Variants in TP53BP2 observed in about 807,000 individuals in gnomAD.
TP53BP2 encodes the protein apoptosis-stimulating of p53 protein 2.
Under a neutral mutation model 126.2 loss-of-function variants are expected in TP53BP2, and 62 were observed. The observed-to-expected ratio is 0.49, with a 90% CI of 0.40 to 0.61. The LOEUF is 0.61. Among genes scored for constraint, TP53BP2 ranks in the 20% least tolerant of loss-of-function variants. TP53BP2 has a pLI of 0.00. For missense variants in TP53BP2, 1,215 were observed against 1,402.8 expected (o/e 0.87, Z 2.14); for synonymous variants, 485 against 502.9 (o/e 0.96, Z 0.48).
intron 1 of TP53BP2, chr1:223,826,094 G>A (rs1331670790): frequency 6.6e-6 from 1 of 152,308 alleles, no homozygotes; most frequent in African/African-American, 2.4e-5. Flanking sequence ...GCTAAGGTCT[G>A]GGAGAAGAAT....
Position 223,802,273 on chromosome 1 carries a change from A to T in TP53BP2, c.1068T>A (p.Tyr356Ter). 1 of 1,614,226 alleles carries T rather than the reference A, an allele frequency of 6.2e-7. No homozygotes were observed. Among genetic ancestry groups the T allele is most frequent in the Non-Finnish European group, 8.5e-7 (1 of 1,180,028 alleles). ...TCCGAGGCATAGTAGACGACTGGAT[A>T]TAGGGACCTACTGCAGCCACACGGC... Reference protein sequence around the residue: ...APSRVAAVGPYIQSSTMPRMP... With the variant: ...APSRVAAVGP Residue 356 changes from tyrosine to a stop codon, truncating the protein, a stop_gained, in exon 9 of 18, where the codon TAT (tyrosine) becomes TAA (stop). Transcript: ENST00000343537. LOFTEE classifies it high-confidence loss of function.
In TP53BP2 at chr1:223,792,510, T is replaced by A. The variant is rs763150714; in HGVS notation, c.2875A>T (p.Ser959Cys). The change falls in exon 15 of 18, where the codon AGC (serine) becomes TGC (cysteine). Residue 959 changes from serine to cysteine, a missense_variant. Ser to Cys is a moderately radical substitution (Grantham distance 112, BLOSUM62 -1). Transcript: ENST00000343537. ...QRIIYEVDDP[S>C]LPNDEGITAL... ...GTGATGCCTTCATCATTGGGGAGGC[T>A]TGGGTCATCAACCTATATCAAGAAG... 6.2e-7 allele frequency: 1 copy of A among 1,614,014 alleles called. No homozygotes were observed. Among genetic ancestry groups the A allele is most frequent in the Non-Finnish European group, 8.5e-7 (1 of 1,179,918 alleles).
At chr1:223,840,301 T>C (rs1483319072) in intron 1 of TP53BP2, among the ~76,000 whole-genome samples, 1 of 152,226 alleles carries the variant, frequency 6.6e-6, no homozygotes, top group African/African-American at 2.4e-5. Flanking sequence ...TAACTATACA[T>C]TTCATACATA....
chr1:223,844,595 T>A lies in TP53BP2; in HGVS notation c.27+1059A>T, dbSNP rs1265577397. Among the ~76,000 whole-genome samples, 3 of 152,320 alleles carry A rather than the reference T, an allele frequency of 2.0e-5. No individual in the cohort carries two copies. In the East Asian group the frequency reaches 5.8e-4, roughly 29 times the overall value. Reference sequence around the variant, plus strand: ...TATTAATACTTTCAAATTCCTTGAATCCTGGCAGGACAAAATATCCCAAAC... The same window carrying A: ...TATTAATACTTTCAAATTCCTTGAAACCTGGCAGGACAAAATATCCCAAAC... On this transcript the variant is annotated intron_variant, in intron 1 of 17. Coordinates refer to ENST00000343537, the MANE Select transcript of TP53BP2 (RefSeq NM_001031685.3).
At chr1:223,810,557 C>G in intron 3 of TP53BP2, 44 bp from the exon 4 acceptor site, 1 of 1,327,060 alleles carries the variant, frequency 7.5e-7, no homozygotes, top group Non-Finnish European at 1.0e-6. Flanking sequence ...CTAGAGTTGA[C>G]AGATATTTTA....
rs144796003 is a variant in TP53BP2, at chr1:223,796,246, T to A, written c.2293A>T (p.Ile765Leu). 2.5e-6 allele frequency: 4 copies of A among 1,614,024 alleles called. No homozygotes were observed. The African/African-American group carries it at 5.3e-5, about 22-fold the overall frequency. The change falls in exon 13 of 18, where the codon ATA (isoleucine) becomes TTA (leucine). Residue 765 changes from isoleucine to leucine, a missense_variant. This residue lies in a region of TP53BP2 where 46 missense variants were observed against 93.0 expected (regional missense o/e 0.49). Transcript: ENST00000343537. The surrounding 1 kb of genome is among the most constrained non-coding windows in gnomAD (Gnocchi z 4.2). ...ACAGAGATGGTCTCCATGGCCGCTA[T>A]GGTGGTCCTCTGATATAAAAGCTTC... ...IQKLLYQRTT[I>L]AAMETISVPS...
chr1:223,794,528 A>G (rs1662255245), intron 13 of TP53BP2, among the ~76,000 whole-genome samples: 1 of 152,258 alleles, frequency 6.6e-6, no homozygotes, highest in Non-Finnish European at 1.5e-5. Flanking sequence ...GGAAGAGAAC[A>G]GCAGAATCTT....
At chr1:223,817,871 A>G (rs144358677) in intron 2 of TP53BP2, among the ~76,000 whole-genome samples, 1 of 151,128 alleles carries the variant, frequency 6.6e-6, no homozygotes, top group African/African-American at 2.4e-5. Context: ...GATGGCAGTG[A>G]GCCGAGATGG....
intron 1 of TP53BP2, among the ~76,000 whole-genome samples, chr1:223,825,193 T>A (rs575524184): frequency 2.6e-5 from 4 of 152,318 alleles, no homozygotes; most frequent in African/African-American, 9.6e-5. Flanking sequence ...TTTGTCTTTG[T>A]TCAGTGTTGT....
intron 3 of TP53BP2, among the ~76,000 whole-genome samples, chr1:223,812,625 T>C (rs1662950250): frequency 6.6e-6 from 1 of 152,140 alleles, no homozygotes; most frequent in African/African-American, 2.4e-5. Context: ...CGTGGTGCCA[T>C]CTCGGCTCAC....
At chr1:223,794,255 G>A (rs1299651832) in intron 13 of TP53BP2, among the ~76,000 whole-genome samples, 3 of 152,098 alleles carry the variant, frequency 2.0e-5, no homozygotes, top group Non-Finnish European at 4.4e-5. Flanking sequence ...CTGTTGTGAG[G>A]TGTGATATAT....
chr1:223,836,549 A>G (rs146329122), intron 1 of TP53BP2, among the ~76,000 whole-genome samples: 14 of 152,306 alleles, frequency 9.2e-5, no homozygotes, highest in African/African-American at 3.4e-4. Flanking sequence ...CTATCTCACT[A>G]AAGAGTTTAT....
intron 1 of TP53BP2, among the ~76,000 whole-genome samples, chr1:223,828,481 T>G (rs983992183): frequency 6.6e-6 from 1 of 152,206 alleles, no homozygotes; most frequent in Non-Finnish European, 1.5e-5. Flanking sequence ...TTCATATACA[T>G]TGTGCCTTCC....
In TP53BP2 at chr1:223,784,186, C is replaced by T. The variant is rs1483671107; in HGVS notation, c.3292G>A (p.Glu1098Lys). The change falls in exon 17 of 18, where the codon GAA (glutamate) becomes AAA (lysine). Residue 1098 changes from glutamate (E) to lysine (K), a missense_variant. Physicochemically the swap from Glu to Lys is moderately conservative, Grantham distance 56. Around this residue, in one of 4 missense-constraint regions of TP53BP2, gnomAD observed 151 missense variants for 231.2 expected, o/e 0.65. Transcript: ENST00000343537. ...DCMTIIHRED[E>K]DEIEWWWARL... is the part of the protein sequence containing the mutation. The stretch of plus-strand genomic sequence containing the variant: ...GCCCACCACCATTCGATTTCATCTT[C>T]GTCTTCCCTGTGGATGATTGTCATG... 10 of 1,614,008 alleles carry T rather than the reference C, an allele frequency of 6.2e-6. No homozygotes were observed. Among genetic ancestry groups the T allele is most frequent in the South Asian group, 3.3e-5 (3 of 91,074 alleles).
chr1:223,784,068 C>G, intron 17 of TP53BP2, 47 bp downstream of exon 17: 1 of 1,562,040 alleles, frequency 6.4e-7, no homozygotes. Flanking sequence ...TTTACAAAGC[C>G]CCTCTCTGGC....
rs1488727793 is a variant in TP53BP2 at position 223,803,252 on chromosome 1, G to A, written c.831+19C>T. Reference sequence around the variant, plus strand: ...TGGAAAGGAGGTTGTACAGCTTTTGGCAAACAGCTACGGTCTACCTGCAGC... The same window carrying A: ...TGGAAAGGAGGTTGTACAGCTTTTGACAAACAGCTACGGTCTACCTGCAGC... On this transcript the variant is annotated intron_variant, in intron 7 of 17. Coordinates refer to ENST00000343537, the MANE Select transcript of TP53BP2 (RefSeq NM_001031685.3). 1.3e-6 allele frequency: 2 copies of A among 1,588,336 alleles called. No individual in the cohort carries two copies. The highest frequency in any genetic ancestry group is 1.4e-5 in the African/African-American group (1 of 74,014).
intron 8 of TP53BP2, 59 bp from the exon 9 acceptor site, chr1:223,802,403 GA>G (rs1662559866): frequency 6.7e-7 from 1 of 1,483,152 alleles, no homozygotes. Flanking sequence ...ATCAGACTTA[GA>G]AACTAAGATG....
chr1:223,786,453 C>A (rs1281585864), intron 16 of TP53BP2, among the ~76,000 whole-genome samples: 1 of 152,116 alleles, frequency 6.6e-6, no homozygotes, highest in Non-Finnish European at 1.5e-5. Context: ...TTTTAAGAAT[C>A]TGACCAAATA....
chr1:223,798,192 C>G lies in TP53BP2; in HGVS notation c.1948+23G>C. 1.9e-6 allele frequency: 3 copies of G among 1,598,694 alleles called. No homozygotes were observed. In the South Asian group the frequency reaches 3.4e-5, roughly 18 times the overall value. On this transcript the variant is annotated intron_variant, in intron 12 of 17. Transcript: ENST00000343537. Reference sequence around the variant, plus strand: ...TCTGGTATAGAACTTAAGCACGTCACCTATGAACGTTAAGAACCTTACCAC... The same window carrying G: ...TCTGGTATAGAACTTAAGCACGTCAGCTATGAACGTTAAGAACCTTACCAC...
Sources: allele counts gnomAD v4.1 joint callset (sites outside exome capture counted in the v4.1 genomes callset), GRCh38; gene constraint gnomAD v4.1.1; regional missense constraint gnomAD v4.1.1; non-coding constraint Gnocchi (gnomAD v3.1); transcripts MANE v1.5; gene names NCBI Gene and HGNC (gene_info 2026-07-23, HGNC 2026-07-21).